GMDS: variants seen among roughly 807,000 people sequenced by gnomAD.
The protein encoded by GMDS is GDP-mannose 4,6 dehydratase.
In GMDS, 20 loss-of-function variants were observed where a neutral mutation model predicts 49.9. The ratio of observed to expected loss-of-function variants is 0.40; its 90% CI spans 0.28 to 0.58. The LOEUF is 0.58. Among genes scored for constraint, GMDS ranks in the 20% least tolerant of loss-of-function variants. The pLI, the probability that GMDS is intolerant of heterozygous loss-of-function variation, is 0.42. For synonymous variants in GMDS, 177 were observed against 178.6 expected, an observed-to-expected ratio of 0.99 and a Z score of 0.07; for missense variants, 362 against 481.4, an observed-to-expected ratio of 0.75 and a Z score of 2.32.
At chr6:1,953,448 G>T (rs1763464640) in intron 6 of GMDS, among the ~76,000 whole-genome samples, 1 of 152,188 alleles carries the variant, frequency 6.6e-6, no homozygotes, top group South Asian at 2.1e-4. Flanking sequence ...AAGGTAGAAT[G>T]TATTTTTTGT....
At chr6:2,048,358 C>G (rs1770154130) in intron 4 of GMDS, among the ~76,000 whole-genome samples, 1 of 152,186 alleles carries the variant, frequency 6.6e-6, no homozygotes, top group Non-Finnish European at 1.5e-5. Flanking sequence ...TCCCAAGGCA[C>G]TACACAAAGT....
chr6:2,094,217 G>A (rs1439588171), intron 4 of GMDS, among the ~76,000 whole-genome samples: 2 of 152,202 alleles, frequency 1.3e-5, no homozygotes, highest in African/African-American at 4.8e-5. Context: ...GCACACGTTA[G>A]AAAGTACTAG....
chr6:1,864,032 C>T (rs185012825), intron 7 of GMDS, among the ~76,000 whole-genome samples: 200 of 152,170 alleles, frequency 1.3e-3, no homozygotes, highest in African/African-American at 4.1e-3. Context: ...TGGGTCATAA[C>T]GTTTCATTTA....
intron 1 of GMDS, among the ~76,000 whole-genome samples, chr6:2,240,156 G>A (rs974604306): frequency 1.3e-5 from 2 of 152,190 alleles, no homozygotes; most frequent in African/African-American, 2.4e-5. Context: ...TAAATCTGTT[G>A]GCCTCCCAGT....
intron 1 of GMDS, among the ~76,000 whole-genome samples, chr6:2,219,917 T>C (rs769624234): frequency 6.6e-6 from 1 of 152,112 alleles, no homozygotes; most frequent in African/African-American, 2.4e-5. Flanking sequence ...AAGTGGAAAA[T>C]TCCACCCCTC....
At chr6:1,784,487 G>A (rs992589517) in intron 7 of GMDS, among the ~76,000 whole-genome samples, 8 of 151,702 alleles carry the variant, frequency 5.3e-5, no homozygotes, top group Admixed American at 2.0e-4. Flanking sequence ...AGGACTACCC[G>A]GGGCGGGAAG....
chr6:1,737,796 CAT>C (rs1468118314), intron 8 of GMDS, among the ~76,000 whole-genome samples: 16 of 139,192 alleles, frequency 1.1e-4, no homozygotes, highest in East Asian at 2.3e-4. Flanking sequence ...TACACACATA[CAT>C]ACACACACAT....
Position 2,031,850 on chromosome 6 carries a change from T to G in GMDS, c.346-70884A>C, listed in dbSNP as rs568343842. ...AATGCTAACAACTAAGTTGTAACTT[T>G]AGAAAATATTTTAGGCCCATGGTCA... On this transcript the variant is annotated intron_variant, in intron 4 of 10. Coordinates refer to ENST00000380815, the MANE Select transcript of GMDS (RefSeq NM_001500.4). Among the ~76,000 whole-genome samples, 6 of 152,344 alleles carry G rather than the reference T, an allele frequency of 3.9e-5. No individual in the cohort carries two copies. The South Asian group carries it at 1.2e-3, about 32-fold the overall frequency.
At chr6:1,720,583 G>T (rs1766346946) in intron 9 of GMDS, among the ~76,000 whole-genome samples, 1 of 152,168 alleles carries the variant, frequency 6.6e-6, no homozygotes, top group African/African-American at 2.4e-5. Flanking sequence ...ACACTACTGT[G>T]GTCCAAAAGT....
chr6:2,124,588 T>C (rs546434113), intron 2 of GMDS, 99 bp downstream of exon 2: 2 of 892,422 alleles, frequency 2.2e-6, no homozygotes, highest in African/African-American at 1.6e-5. Flanking sequence ...TGCGTTTCAG[T>C]GGAAAACACA....
intron 7 of GMDS, among the ~76,000 whole-genome samples, chr6:1,844,803 T>C (rs1378121363): frequency 2.0e-5 from 3 of 152,218 alleles, no homozygotes; most frequent in Admixed American, 2.0e-4. Flanking sequence ...AGAACAAATA[T>C]ATACTTTTAT....
Position 2,002,301 on chromosome 6 carries a change from G to C in GMDS, c.346-41335C>G, listed in dbSNP as rs1766871246. Among the ~76,000 whole-genome samples the C allele has an allele frequency of 1.3e-5, 2 of 152,190 alleles. 1 individual carries two copies. The highest frequency in any genetic ancestry group is 4.1e-4 in the South Asian group (2 of 4,826). The stretch of plus-strand genomic sequence containing the variant: ...CAGGGCTCCTTTATCCTATTGGAAG[G>C]AAATAATCAACAAAAGTTATGTATC... On this transcript the variant is annotated intron_variant, in intron 4 of 10. Transcript: ENST00000380815.
chr6:2,217,225 C>CACCT (rs1780383426), intron 1 of GMDS, among the ~76,000 whole-genome samples: 1 of 152,132 alleles, frequency 6.6e-6, no homozygotes, highest in Admixed American at 6.5e-5. Flanking sequence ...CACCCCCTCC[C>CACCT]ACCTGACCCT....
intron 9 of GMDS, among the ~76,000 whole-genome samples, chr6:1,677,690 G>A (rs1238872570): frequency 2.0e-5 from 3 of 151,042 alleles, no homozygotes; most frequent in Non-Finnish European, 2.9e-5. Context: ...GCAAACGATC[G>A]CAAGGACAGA....
intron 7 of GMDS, among the ~76,000 whole-genome samples, chr6:1,773,453 A>C (rs1226179445): frequency 6.6e-6 from 1 of 151,994 alleles, no homozygotes; most frequent in Non-Finnish European, 1.5e-5. Flanking sequence ...TCGTTTCACA[A>C]AGTGGTTGGG....
chr6:1,888,992 C>A (rs1229906026), intron 7 of GMDS, among the ~76,000 whole-genome samples: 1 of 152,186 alleles, frequency 6.6e-6, no homozygotes, highest in African/African-American at 2.4e-5. Flanking sequence ...TGGGTACTCC[C>A]AACTAGGCCT....
chr6:2,141,293 C>A (rs903257650), intron 1 of GMDS, among the ~76,000 whole-genome samples: 2 of 152,120 alleles, frequency 1.3e-5, no homozygotes, highest in African/African-American at 4.8e-5. Context: ...AGAAGAAAAC[C>A]CACACTGCAT....
intron 7 of GMDS, among the ~76,000 whole-genome samples, chr6:1,752,363 C>T (rs1218388816): frequency 3.3e-5 from 5 of 152,182 alleles, no homozygotes; most frequent in Non-Finnish European, 5.9e-5. Flanking sequence ...ATGAACAAAG[C>T]CTTCAAGAAA....
intron 9 of GMDS, among the ~76,000 whole-genome samples, chr6:1,670,360 G>T (rs1010710661): frequency 4.1e-5 from 6 of 146,414 alleles, no homozygotes; most frequent in South Asian, 2.1e-4. Flanking sequence ...GTGTTTCTGG[G>T]TTTTTTTTGG....
Sources: allele counts gnomAD v4.1 joint callset (sites outside exome capture counted in the v4.1 genomes callset), GRCh38; gene constraint gnomAD v4.1.1; transcripts MANE v1.5; gene names NCBI Gene and HGNC (gene_info 2026-07-23, HGNC 2026-07-21).